The following C1QTNF3 variants were observed in gnomAD, a reference collection of about 807,000 sequenced individuals.
C1QTNF3 encodes complement C1q tumor necrosis factor-related protein 3.
In C1QTNF3, 26 loss-of-function variants were observed where a neutral mutation model predicts 32.6. The ratio of observed to expected loss-of-function variants is 0.80; its 90% CI spans 0.58 to 1.11. The LOEUF (loss-of-function observed/expected upper bound fraction) is 1.11, where lower values mean the gene tolerates loss of function less well. C1QTNF3 is among the 50% of genes least tolerant of loss of function. The pLI, the probability that C1QTNF3 is intolerant of heterozygous loss-of-function variation, is 0.00. For synonymous variants in C1QTNF3, 155 were observed against 146.0 expected (o/e 1.06, Z -0.44); for missense variants, 362 against 398.2 (o/e 0.91, Z 0.77).
chr5:34,177,741 C>A, the C1QTNF3 span, among the ~76,000 whole-genome samples: 1 of 151,836 alleles, frequency 6.6e-6, no homozygotes, highest in East Asian at 2.0e-4. Context: ...CCCACCTCAG[C>A]CTCCCAAAGT....
At chr5:34,158,488 G>C in the C1QTNF3 span, 1 of 152,044 alleles carries the variant, frequency 6.6e-6, no homozygotes, top group Non-Finnish European at 1.5e-5. Flanking sequence ...TACAAACCTT[G>C]CCTATATGGA....
the C1QTNF3 span, among the ~76,000 whole-genome samples, chr5:34,184,715 C>CAAAAAAAAA: frequency 3.1e-5 from 4 of 129,510 alleles, no homozygotes; most frequent in African/African-American, 2.8e-5. Flanking sequence ...GACTCTGTCT[C>CAAAAAAAAA]AAAAAAAAAA....
the C1QTNF3 span, among the ~76,000 whole-genome samples, chr5:34,176,917 G>A: frequency 6.6e-6 from 1 of 151,606 alleles, no homozygotes; most frequent in East Asian, 1.9e-4. Flanking sequence ...ACCAGGCTGG[G>A]CATGGTAGCT....
the C1QTNF3 span, among the ~76,000 whole-genome samples, chr5:34,128,553 G>A: frequency 6.6e-6 from 1 of 152,232 alleles, no homozygotes; most frequent in Non-Finnish European, 1.5e-5. Context: ...AGACACAAGA[G>A]TAGAATTGCC....
chr5:34,049,440 G>C, the C1QTNF3 span, among the ~76,000 whole-genome samples: 2 of 152,146 alleles, frequency 1.3e-5, no homozygotes, highest in African/African-American at 4.8e-5. Context: ...TCTGTAGATG[G>C]AAGTCAAACA....
the C1QTNF3 span, among the ~76,000 whole-genome samples, chr5:34,213,392 T>G: frequency 1.4e-4 from 22 of 152,012 alleles, no homozygotes; most frequent in Non-Finnish European, 2.9e-5. Context: ...GAGAAAAATC[T>G]GCACTCTAAG....
chr5:34,046,168 G>GTAACCAATCAACTATTT (rs1227654618), upstream of C1QTNF3, among the ~76,000 whole-genome samples: 2 of 152,182 alleles, frequency 1.3e-5, no homozygotes, highest in Non-Finnish European at 2.9e-5. Flanking sequence ...TTGTACAACT[G>GTAACCAATCAACTATTT]TAACCAATCA....
At chr5:34,111,167 A>T in the C1QTNF3 span, among the ~76,000 whole-genome samples, 1 of 152,192 alleles carries the variant, frequency 6.6e-6, no homozygotes, top group Non-Finnish European at 1.5e-5. Flanking sequence ...TGCACAGATG[A>T]TCTATAGATT....
chr5:34,209,721 G>A, the C1QTNF3 span, among the ~76,000 whole-genome samples: 2 of 151,844 alleles, frequency 1.3e-5, no homozygotes, highest in Admixed American at 6.6e-5. Flanking sequence ...AGTCTCTTCC[G>A]GATCATATAT....
intron 1 of C1QTNF3, among the ~76,000 whole-genome samples, chr5:34,040,626 C>T (rs1436712793): frequency 2.0e-5 from 3 of 152,112 alleles, no homozygotes; most frequent in Non-Finnish European, 4.4e-5. Flanking sequence ...ACCTCACTGT[C>T]CTGCTATGAA....
the C1QTNF3 span, among the ~76,000 whole-genome samples, chr5:34,172,436 T>TGGGG: frequency 1.7e-4 from 1 of 5,946 alleles, no homozygotes; most frequent in South Asian, 4.2e-3. Flanking sequence ...TACCCGGGGT[T>TGGGG]GGGCGGGGGG....
At chr5:34,117,155 T>C in the C1QTNF3 span, among the ~76,000 whole-genome samples, 4 of 152,118 alleles carry the variant, frequency 2.6e-5, no homozygotes, top group African/African-American at 9.7e-5. Flanking sequence ...TTTCTATCTC[T>C]TTCTATATCC....
chr5:34,224,257 C>T, the C1QTNF3 span, among the ~76,000 whole-genome samples: 1 of 152,188 alleles, frequency 6.6e-6, no homozygotes, highest in Non-Finnish European at 1.5e-5. Flanking sequence ...ATGCCATCCC[C>T]ATCAAGCTAC....
chr5:34,052,673 C>G, the C1QTNF3 span, among the ~76,000 whole-genome samples: 1 of 152,174 alleles, frequency 6.6e-6, no homozygotes, highest in African/African-American at 2.4e-5. Context: ...ATTGCTGCAG[C>G]AAAACACTTT....
At chr5:34,040,815 C>CT (rs11334548) in intron 1 of C1QTNF3, among the ~76,000 whole-genome samples, 1,504 of 146,682 alleles carry the variant, frequency 0.01, 17 homozygotes, top group South Asian at 0.057. Context: ...TGTTGCAGCA[C>CT]TTTTTTTTTT....
chr5:34,115,670 G>T, the C1QTNF3 span, among the ~76,000 whole-genome samples: 1 of 151,576 alleles, frequency 6.6e-6, no homozygotes, highest in Non-Finnish European at 1.5e-5. Context: ...GGCGAAGCTT[G>T]CAGTGAGCTG....
chr5:34,213,137 G>T, the C1QTNF3 span, among the ~76,000 whole-genome samples: 1 of 152,048 alleles, frequency 6.6e-6, no homozygotes. Context: ...ATAATGAATG[G>T]ATTAATATCT....
At chr5:34,176,304 G>C in the C1QTNF3 span, among the ~76,000 whole-genome samples, 2 of 151,182 alleles carry the variant, frequency 1.3e-5, no homozygotes, top group Admixed American at 1.3e-4. Flanking sequence ...CCTAATGCTA[G>C]ATGACGAGTT....
chr5:34,155,892 C>T, the C1QTNF3 span, among the ~76,000 whole-genome samples: 2 of 151,996 alleles, frequency 1.3e-5, no homozygotes, highest in Admixed American at 6.6e-5. Context: ...TACTAAAATA[C>T]TTTTAAATAT....
Sources: gnomAD v4.1 joint callset for allele counts (sites outside exome capture counted in the v4.1 genomes callset) on GRCh38, gnomAD v4.1.1 for gene constraint, MANE v1.5 for transcripts, NCBI Gene and HGNC (gene_info 2026-07-23, HGNC 2026-07-21) for gene names.